The following PSD3 variants were observed in gnomAD, a reference collection of about 807,000 sequenced individuals.
PSD3 encodes the protein pleckstrin and Sec7 domain containing 3.
Under a neutral mutation model 105.5 loss-of-function variants are expected in PSD3, and 49 were observed. The observed-to-expected ratio is 0.46, with a 90% CI of 0.37 to 0.59. PSD3 has a LOEUF of 0.59. PSD3 is among the 20% of genes least tolerant of loss of function. The pLI is 0.00. For missense variants in PSD3, 1,561 were observed against 1,263.8 expected, an observed-to-expected ratio of 1.24 and a Z score of -3.57; for synonymous variants, 557 against 457.8, an observed-to-expected ratio of 1.22 and a Z score of -2.77.
intron 9 of PSD3, among the ~76,000 whole-genome samples, chr8:18,757,169 G>T (rs1031428645): frequency 1.3e-5 from 2 of 149,894 alleles, no homozygotes; most frequent in East Asian, 3.9e-4. Context: ...ACATTAACTG[G>T]GATCTGGACG....
intron 2 of PSD3, among the ~76,000 whole-genome samples, chr8:18,926,741 A>G (rs1389719950): frequency 6.6e-6 from 1 of 152,218 alleles, no homozygotes; most frequent in East Asian, 1.9e-4. Context: ...TTCTCCACAC[A>G]TGAAGCAAGC....
chr8:19,047,391 T>C (rs565734844), intron 1 of PSD3, among the ~76,000 whole-genome samples: 41 of 152,166 alleles, frequency 2.7e-4, no homozygotes, highest in Non-Finnish European at 4.9e-4. Flanking sequence ...TCATTTATTA[T>C]AAAATATCCT....
chr8:18,635,494 A>C (rs190683157), intron 10 of PSD3, among the ~76,000 whole-genome samples: 1 of 152,240 alleles, frequency 6.6e-6, no homozygotes, highest in South Asian at 2.1e-4. Context: ...TTACCATACT[A>C]TGCTTTTCAG....
At chr8:18,819,574 G>GGTTTT (rs1189272400) in intron 4 of PSD3, among the ~76,000 whole-genome samples, 1 of 109,356 alleles carries the variant, frequency 9.1e-6, no homozygotes, top group African/African-American at 3.5e-5. Flanking sequence ...AATTAGAATG[G>GGTTTT]ATTTTTTTTT....
rs576576372 is a variant in PSD3, at chr8:18,846,109, T to C, written c.1634+21565A>G. 5.9e-5 allele frequency among the ~76,000 whole-genome samples: 9 copies of C among 152,270 alleles called. No individual in the cohort carries two copies. The East Asian group carries it at 1.3e-3, about 23-fold the overall frequency. ...CCTGTGGAAGCAAAAGAAAGAGAGA[T>C]AGAAGAAAGATTTGCAGATTCCCTC... On this transcript the variant is annotated intron_variant, in intron 4 of 15. Transcript: ENST00000327040.
intron 9 of PSD3, among the ~76,000 whole-genome samples, chr8:18,698,325 C>T (rs1433473382): frequency 1.3e-5 from 2 of 151,942 alleles, no homozygotes; most frequent in Non-Finnish European, 2.9e-5. Context: ...CATTACGTTG[C>T]CCAGGTTGGT....
intron 8 of PSD3, 149 bp from the exon 9 acceptor site, chr8:18,765,687 G>C (rs548440294): frequency 2.3e-5 from 16 of 681,926 alleles, no homozygotes; most frequent in African/African-American, 2.3e-4. Flanking sequence ...CACACTTTGG[G>C]AGGCCGAGGT....
At chr8:19,065,534 C>G (rs1208430491) in intron 1 of PSD3, among the ~76,000 whole-genome samples, 1 of 152,190 alleles carries the variant, frequency 6.6e-6, no homozygotes, top group Non-Finnish European at 1.5e-5. Flanking sequence ...CCATGATCCC[C>G]TCCTTGGGTT....
chr8:18,801,290 G>C lies in PSD3; in HGVS notation c.2003C>G (p.Pro668Arg). 1.3e-6 allele frequency: 2 copies of C among 1,591,332 alleles called. No homozygotes were observed. The highest frequency in any genetic ancestry group is 1.7e-6 in the Non-Finnish European group (2 of 1,161,946). Residue 668 changes from proline (P) to arginine (R), a missense_variant, in exon 7 of 16, where the codon CCA becomes CGA. Pro to Arg is a moderately radical substitution (Grantham distance 103). Transcript: ENST00000327040. ...HFSNRYFYCN[P>R]DTIASQDGVH... is the part of the protein sequence containing the mutation. ...ATTACCTTGTGAAGCAATGGTATCTGGGTTACAATAAAAATATCTATTGGA... is the reference window on the plus strand; with the variant it reads ...ATTACCTTGTGAAGCAATGGTATCTCGGTTACAATAAAAATATCTATTGGA...
At chr8:18,996,291 A>T (rs1213288774) in intron 1 of PSD3, among the ~76,000 whole-genome samples, 1 of 151,970 alleles carries the variant, frequency 6.6e-6, no homozygotes, top group East Asian at 1.9e-4. Flanking sequence ...GAGCTAAAGA[A>T]GTCATCAGTT....
intron 9 of PSD3, among the ~76,000 whole-genome samples, chr8:18,751,261 C>A (rs951573176): frequency 2.0e-4 from 30 of 152,346 alleles, no homozygotes; most frequent in Middle Eastern, 3.4e-3. Context: ...GGACCCAGTA[C>A]ACCCTCCGCA....
At chr8:18,927,098 T>C (rs966000027) in intron 2 of PSD3, among the ~76,000 whole-genome samples, 3 of 152,102 alleles carry the variant, frequency 2.0e-5, no homozygotes, top group African/African-American at 4.8e-5. Flanking sequence ...GAGATGCATA[T>C]GGTATGTATG....
chr8:18,692,608 T>A (rs946167487), intron 9 of PSD3, among the ~76,000 whole-genome samples: 1 of 152,190 alleles, frequency 6.6e-6, no homozygotes, highest in African/African-American at 2.4e-5. Context: ...GAGGCTTTTT[T>A]AAAGATGATG....
At chr8:18,620,360 T>TTTTTTC (rs1554524298) in intron 11 of PSD3, among the ~76,000 whole-genome samples, 89 of 149,982 alleles carry the variant, frequency 5.9e-4, no homozygotes, top group African/African-American at 2.1e-3. Context: ...TTTTTTTTTT[T>TTTTTTC]CCCCAGGCTG....
In PSD3 at chr8:19,077,582, G is replaced by A. The variant is rs137998362; in HGVS notation, c.324+6624C>T. ...TTTCGTTTGCCTAGAAACACTTGCA[G>A]AGAGTTGTCAGCTAAGAGTGTAAAC... On this transcript the variant is annotated intron_variant, in intron 1 of 1. Coordinates refer to the PSD3 transcript ENST00000521475. 2.7e-3 allele frequency among the ~76,000 whole-genome samples: 412 copies of A among 152,296 alleles called. 3 individuals carry two copies. Among genetic ancestry groups the A allele is most frequent in the African/African-American group, 9.6e-3 (401 of 41,568 alleles).
At chr8:18,904,401 G>A (rs1286082843) in intron 2 of PSD3, among the ~76,000 whole-genome samples, 1 of 152,182 alleles carries the variant, frequency 6.6e-6, no homozygotes, top group Non-Finnish European at 1.5e-5. Context: ...AAGCCATGAA[G>A]ATGGGGCTGC....
intron 11 of PSD3, among the ~76,000 whole-genome samples, chr8:18,609,445 A>G (rs1428410574): frequency 6.6e-6 from 1 of 152,250 alleles, no homozygotes; most frequent in Non-Finnish European, 1.5e-5. Flanking sequence ...TTGAAAACAA[A>G]GATATACTTA....
chr8:18,713,922 C>T (rs1802410203), intron 9 of PSD3, among the ~76,000 whole-genome samples: 1 of 151,970 alleles, frequency 6.6e-6, no homozygotes, highest in African/African-American at 2.4e-5. Flanking sequence ...GGTACTGGTA[C>T]AAAAAACAGA....
intron 1 of PSD3, among the ~76,000 whole-genome samples, chr8:19,049,829 T>C (rs1269877139): frequency 6.6e-6 from 1 of 152,064 alleles, no homozygotes; most frequent in Non-Finnish European, 1.5e-5. Context: ...CAGAGCAGCA[T>C]GGCAAATTCG....
Sources: allele counts gnomAD v4.1 joint callset (sites outside exome capture counted in the v4.1 genomes callset), GRCh38; gene constraint gnomAD v4.1.1; transcripts MANE v1.5; gene names NCBI Gene and HGNC (gene_info 2026-07-23, HGNC 2026-07-21).